Variants in HELZ observed in about 807,000 individuals in gnomAD.
HELZ encodes the protein helicase with zinc finger, also known as ATP-dependent RNA helicase with zinc finger domain.
HELZ carries 23 observed loss-of-function variants against 218.2 expected under a neutral mutation model. That is an observed-to-expected ratio of 0.11 (90% CI 0.08 to 0.15). The LOEUF (loss-of-function observed/expected upper bound fraction) is 0.15, where lower values mean the gene tolerates loss of function less well. Ranked by LOEUF, HELZ falls within the 10% of genes least tolerant of loss-of-function variation. The pLI is 1.00. For synonymous variants in HELZ, 814 were observed against 829.4 expected, an observed-to-expected ratio of 0.98 and a Z score of 0.32; for missense variants, 1,813 against 2,353.7, an observed-to-expected ratio of 0.77 and a Z score of 4.75.
chr17:67,084,629 C>T (rs2036301960), intron 32 of HELZ, among the ~76,000 whole-genome samples: 2 of 148,610 alleles, frequency 1.3e-5, no homozygotes, highest in South Asian at 2.1e-4. Flanking sequence ...CGCCACTGCA[C>T]TCCAGCCTGG....
At chr17:67,124,769 G>C (rs1219323031) in intron 24 of HELZ, among the ~76,000 whole-genome samples, 1 of 151,944 alleles carries the variant, frequency 6.6e-6, no homozygotes, top group African/African-American at 2.4e-5. Context: ...TATTAAATAA[G>C]CAATAGCAAA....
intron 3 of HELZ, among the ~76,000 whole-genome samples, chr17:67,229,322 G>A (rs955089399): frequency 2.0e-5 from 3 of 152,050 alleles, no homozygotes; most frequent in Non-Finnish European, 4.4e-5. Flanking sequence ...TGTTCCCTCT[G>A]CCCAGAACAT....
chr17:67,117,096 C>A (rs2037450919), intron 27 of HELZ, among the ~76,000 whole-genome samples: 1 of 152,044 alleles, frequency 6.6e-6, no homozygotes, highest in Admixed American at 6.6e-5. Context: ...CTCAGGTGAT[C>A]CGCTCACCTC....
At chr17:67,124,113 A>G (rs961472219) in intron 24 of HELZ, 99 bp from the exon 25 acceptor site, 1 of 753,954 alleles carries the variant, frequency 1.3e-6, no homozygotes, top group Non-Finnish European at 2.2e-6. Context: ...GTACACATCA[A>G]TAATTAAAAT....
rs1166218186 is a variant in HELZ, at chr17:67,149,971, T to C, written c.2371A>G (p.Ile791Val). The C allele has an allele frequency of 2.5e-6, 4 of 1,608,582 alleles. No homozygotes were observed. Among genetic ancestry groups the C allele is most frequent in the Middle Eastern group, 1.7e-4 (1 of 6,036 alleles). The change falls in exon 19 of 33, where the codon ATT becomes GTT. Residue 791 changes from isoleucine to valine, a missense_variant. Physicochemically the swap from Ile to Val is conservative, Grantham distance 29. This residue lies in a region of HELZ where 714 missense variants were observed against 1,029.2 expected (regional missense o/e 0.69). Transcript: ENST00000358691. ...LDLEPGFFTH[I>V]LLDEAAQAME... ...GCCTGGGCAGCTTCATCTAATAGAATGTGTGTAAAAAACCCTAGAAAATGC... is the reference window on the plus strand; with the variant it reads ...GCCTGGGCAGCTTCATCTAATAGAACGTGTGTAAAAAACCCTAGAAAATGC...
intron 23 of HELZ, among the ~76,000 whole-genome samples, chr17:67,131,895 A>C (rs1281262162): frequency 1.3e-5 from 2 of 152,132 alleles, no homozygotes; most frequent in Non-Finnish European, 2.9e-5. Flanking sequence ...CTATGCATAC[A>C]ATTATGAAGC....
chr17:67,117,918 C>A (rs191719973), intron 27 of HELZ, among the ~76,000 whole-genome samples: 23 of 152,124 alleles, frequency 1.5e-4, no homozygotes, highest in African/African-American at 5.5e-4. Flanking sequence ...GATATATACT[C>A]CGTTCAAAGA....
chr17:67,166,671 C>T, intron 14 of HELZ, 63 bp from the exon 15 acceptor site: 2 of 1,473,680 alleles, frequency 1.4e-6, no homozygotes, highest in East Asian at 2.3e-5. Flanking sequence ...TGGCAGCTCA[C>T]TAGAATACTT....
At chr17:67,173,110 C>T (rs1400477852) in intron 13 of HELZ, 7 of 804,316 alleles carry the variant, frequency 8.7e-6, no homozygotes, top group African/African-American at 5.6e-5. Flanking sequence ...AATAAAAGTC[C>T]TAAGAAATGC....
At chr17:67,087,622 C>T (rs977891350) in intron 31 of HELZ, among the ~76,000 whole-genome samples, 1 of 152,108 alleles carries the variant, frequency 6.6e-6, no homozygotes, top group African/African-American at 2.4e-5. Context: ...TCCTGTCCAA[C>T]GTAAGTACTC....
In HELZ at chr17:67,120,446, T is replaced by C. The variant is rs746929530; in HGVS notation, c.3797A>G (p.Asn1266Ser). ...ATGTTGATCCTTCTCCTGATGCTGA[T>C]TTTGTGGCTGGCCTATGGTGACAGG... ...HPPVTIGQPQ[N>S]QHQEKDQHEQ... Residue 1266 changes from asparagine to serine, a missense_variant, in exon 27 of 33, where the codon AAT becomes AGT. Coordinates refer to ENST00000358691, the MANE Select transcript of HELZ (RefSeq NM_014877.4). 6 of 1,614,062 alleles carry C rather than the reference T, an allele frequency of 3.7e-6. No homozygotes were observed. In the South Asian group the frequency reaches 5.5e-5, roughly 15 times the overall value.
intron 3 of HELZ, among the ~76,000 whole-genome samples, chr17:67,220,409 AT>A (rs1347691987): frequency 6.6e-6 from 1 of 152,206 alleles, no homozygotes; most frequent in African/African-American, 2.4e-5. Context: ...ATTTGTCAGC[AT>A]TTGTTCAATA....
chr17:67,091,962 GAA>G (rs997304591), intron 31 of HELZ, among the ~76,000 whole-genome samples: 10 of 152,040 alleles, frequency 6.6e-5, no homozygotes, highest in African/African-American at 9.7e-5. Flanking sequence ...TCCCTAGAGA[GAA>G]AAAACTAGAT....
chr17:67,093,578 A>G (rs568725210), intron 31 of HELZ, among the ~76,000 whole-genome samples: 5 of 152,340 alleles, frequency 3.3e-5, no homozygotes, highest in African/African-American at 1.2e-4. Context: ...GCGCCTTGCC[A>G]TGGGAGCTCC....
At chr17:67,169,978 A>G (rs1338976436) in intron 13 of HELZ, among the ~76,000 whole-genome samples, 1 of 152,234 alleles carries the variant, frequency 6.6e-6, no homozygotes, top group Admixed American at 6.5e-5. Context: ...ATTAAGTCTT[A>G]AAGCTGAAGA....
rs548161300 is a variant in HELZ, at chr17:67,127,707, C to T, written c.3387+944G>A. 1.1e-4 allele frequency among the ~76,000 whole-genome samples: 17 copies of T among 151,994 alleles called. No individual in the cohort carries two copies. In the East Asian group the frequency reaches 2.5e-3, roughly 22 times the overall value. On this transcript the variant is annotated intron_variant, in intron 24 of 32. Transcript: ENST00000358691. ...ACGAAAAATACAAAAGTTAGCCAGG[C>T]GTGGTGGATGCGCCTATAGTCCCAG...
At chr17:67,174,022 C>A (rs1209831061) in intron 13 of HELZ, among the ~76,000 whole-genome samples, 2 of 152,144 alleles carry the variant, frequency 1.3e-5, no homozygotes, top group Non-Finnish European at 2.9e-5. Context: ...AAAGTAGAAT[C>A]ATTATTGAAC....
At position 67,074,047 on chromosome 17, in the gene HELZ, A is replaced by C. The variant is rs2035957083; in HGVS notation, c.*4205T>G. On this transcript the variant is annotated 3_prime_UTR_variant, in exon 33 of 33. Transcript: ENST00000358691. ...AGATAGAACATTACCTATTCTTTCT[A>C]ATTTCTAGGCGGTTTGAATGTGGAT... The C allele has an allele frequency of 1.3e-5, 2 of 152,192 alleles. No individual in the cohort carries two copies. The highest frequency in any genetic ancestry group is 2.9e-5 in the Non-Finnish European group (2 of 68,012). The allele number at this position is 152,192 out of a possible 1,614,324, so 9.4% of individuals were successfully genotyped here. A position where few individuals can be genotyped will look rare whatever the true frequency, so the allele number is the denominator to read the frequency against.
In HELZ at chr17:67,219,646, T is replaced by C. The variant is rs139619287; in HGVS notation, c.-18-824A>G. 7.5e-4 allele frequency among the ~76,000 whole-genome samples: 114 copies of C among 152,216 alleles called. 1 individual carries two copies. Among genetic ancestry groups the C allele is most frequent in the African/African-American group, 2.7e-3 (112 of 41,524 alleles). ...TCAGAGGAGTAAGAGAAGCTATGAA[T>C]GACCTCAAATGCCACAACAAGAAGC... On this transcript the variant is annotated intron_variant, in intron 3 of 32. Coordinates refer to ENST00000358691, the MANE Select transcript of HELZ (RefSeq NM_014877.4).
Sources: allele counts gnomAD v4.1 joint callset (sites outside exome capture counted in the v4.1 genomes callset), GRCh38; gene constraint gnomAD v4.1.1; regional missense constraint gnomAD v4.1.1; transcripts MANE v1.5; gene names NCBI Gene and HGNC (gene_info 2026-07-23, HGNC 2026-07-21).